POLD2: variants seen among roughly 807,000 people sequenced by gnomAD.
POLD2 encodes the protein DNA polymerase delta 2, accessory subunit, also known as DNA polymerase delta subunit 2.
Under a neutral mutation model 48.8 loss-of-function variants are expected in POLD2, and 31 were observed. The observed-to-expected ratio is 0.64, with a 90% confidence interval of 0.48 to 0.86. POLD2 has a LOEUF of 0.86. Ranked by LOEUF, POLD2 falls within the 40% of genes least tolerant of loss-of-function variation. The pLI is 0.00. For missense variants in POLD2, 455 were observed against 610.1 expected, an observed-to-expected ratio of 0.75 and a Z score of 2.68; for synonymous variants, 233 against 256.3, an observed-to-expected ratio of 0.91 and a Z score of 0.87.
chr7:44,117,388 TTCC>T, intron 4 of POLD2, 141 bp from the exon 5 acceptor site: 1 of 722,386 alleles, frequency 1.4e-6, no homozygotes, highest in Non-Finnish European at 2.4e-6. Context: ...GCATGCCTGC[TTCC>T]TGGAGTCACT....
chr7:44,115,201 G>T (rs2096236602), intron 10 of POLD2, 94 bp downstream of exon 10: 3 of 904,182 alleles, frequency 3.3e-6, no homozygotes, highest in Non-Finnish European at 5.6e-6. Flanking sequence ...GGGCCAGGGG[G>T]ACTCCACAAT....
chr7:44,119,586 G>T (rs892019971), intron 2 of POLD2, among the ~76,000 whole-genome samples: 2 of 152,230 alleles, frequency 1.3e-5, no homozygotes, highest in Non-Finnish European at 2.9e-5. Flanking sequence ...GCCAGGAGTA[G>T]ATATTATCAC....
rs1363035466 is a variant in POLD2 at position 44,116,970 on chromosome 7, G to C, written c.627C>G (p.Gly209=). 5.0e-6 allele frequency: 8 copies of C among 1,613,230 alleles called. No homozygotes were observed. The highest frequency in any genetic ancestry group is 1.6e-4 in the Middle Eastern group (1 of 6,076). Reference sequence around the variant, plus strand: ...GCAGCTGGGTGCCCAGCAGGCTCTCGCCTCCACCGCCACCCAGGCCCAGGC... The same window carrying C: ...GCAGCTGGGTGCCCAGCAGGCTCTCCCCTCCACCGCCACCCAGGCCCAGGC... The part of the protein sequence containing the change: ...VSGLGLGGGG[G]ESLLGTQLLV... Residue 209 remains glycine (G), a synonymous_variant, in exon 6 of 11, where the codon GGC becomes GGG. Transcript: ENST00000610533. This position sits in a 1 kb window ranked among gnomAD's most constrained non-coding sequence, Gnocchi z 6.1.
chr7:44,116,928 C>T lies in POLD2; in HGVS notation c.669G>A (p.Thr223=), dbSNP rs201815146. 18 of 1,613,910 alleles carry T rather than the reference C, an allele frequency of 1.1e-5. No individual in the cohort carries two copies. The highest frequency in any genetic ancestry group is 5.3e-5 in the African/African-American group (4 of 75,048). The change falls in exon 6 of 11, where the codon ACG becomes ACA. Residue 223 remains threonine (T), a synonymous_variant. Coordinates refer to ENST00000610533, the MANE Select transcript of POLD2 (RefSeq NM_006230.4). This position sits in a 1 kb window ranked among gnomAD's most constrained non-coding sequence, Gnocchi z 6.1. ...LGTQLLVDVV[T]GQLGDEGEQC... is the part of the protein sequence containing the mutation. Reference sequence around the variant, plus strand: ...GCTCCCCTTCGTCCCCAAGCTGCCCCGTCACCACATCCACCAGCAGCTGGG... The same window carrying T: ...GCTCCCCTTCGTCCCCAAGCTGCCCTGTCACCACATCCACCAGCAGCTGGG...
At position 44,116,106 on chromosome 7, in the gene POLD2, G is replaced by A. The variant is rs759311952; in HGVS notation, c.1019+9C>T. On this transcript the variant is annotated intron_variant, in intron 8 of 10. Transcript: ENST00000610533. This position sits in a 1 kb window ranked among gnomAD's most constrained non-coding sequence, Gnocchi z 6.1. ...CTGGGTCAGACTGAAGTGTGGCTGTGCCAGCTACCTGACTCCATCAATGGT... is the reference window on the plus strand; with the variant it reads ...CTGGGTCAGACTGAAGTGTGGCTGTACCAGCTACCTGACTCCATCAATGGT... 6.8e-6 allele frequency: 11 copies of A among 1,613,238 alleles called. No homozygotes were observed. The African/African-American group carries it at 9.3e-5, about 14-fold the overall frequency.
intron 1 of POLD2, chr7:44,122,472 C>T (rs2096249583): frequency 2.9e-6 from 3 of 1,029,836 alleles, no homozygotes; most frequent in Non-Finnish European, 3.5e-6. Flanking sequence ...GTCTCATTTC[C>T]AGACAAGAGG....
rs1258176104 is a variant in POLD2 at position 44,116,764 on chromosome 7, C to T, written c.780+53G>A. 1.3e-6 allele frequency: 2 copies of T among 1,587,850 alleles called. No homozygotes were observed. The highest frequency in any genetic ancestry group is 4.5e-5 in the East Asian group (2 of 44,712). On this transcript the variant is annotated intron_variant, in intron 6 of 10. Transcript: ENST00000610533. The surrounding 1 kb of genome is among the most constrained non-coding windows in gnomAD (Gnocchi z 6.1). The stretch of plus-strand genomic sequence containing the variant: ...CTCGCCCTGGGGAAGGAGGGTCTTA[C>T]AGGCTTGCAGGCTCCTGGGCTGGGG...
At chr7:44,117,561 C>T in intron 4 of POLD2, 58 bp downstream of exon 4, 17 of 1,555,582 alleles carry the variant, frequency 1.1e-5, no homozygotes, top group Non-Finnish European at 1.4e-5. Context: ...CCATCCCTAA[C>T]ACACCACCGC....
At chr7:44,123,850 C>G (rs1414384417), upstream of POLD2, among the ~76,000 whole-genome samples, 1 of 152,234 alleles carries the variant, frequency 6.6e-6, no homozygotes, top group African/African-American at 2.4e-5. Flanking sequence ...CCGTCAGGCC[C>G]TGCCCAAACC....
At position 44,117,959 on chromosome 7, in the gene POLD2, C is replaced by T. The variant is rs149066641; in HGVS notation, c.326G>A (p.Arg109Gln). 2.6e-4 allele frequency: 418 copies of T among 1,614,162 alleles called. No homozygotes were observed. Among genetic ancestry groups the T allele is most frequent in the Non-Finnish European group, 2.8e-4 (330 of 1,180,024 alleles). ...KAMPLQPSIL[R>Q]EVSEEHNLLP... ...CTGCCTCACCTCCTCGCTGACCTCCCGCAGGATGGAGGGCTGCAGCGGCAT... is the reference window on the plus strand; with the variant it reads ...CTGCCTCACCTCCTCGCTGACCTCCTGCAGGATGGAGGGCTGCAGCGGCAT... The change falls in exon 3 of 11, where the codon CGG (arginine) becomes CAG (glutamine). Residue 109 changes from arginine to glutamine, a missense_variant. Coordinates refer to ENST00000610533, the MANE Select transcript of POLD2 (RefSeq NM_006230.4).
At chr7:44,120,915 G>T (rs1184923328) in intron 2 of POLD2, among the ~76,000 whole-genome samples, 2 of 152,080 alleles carry the variant, frequency 1.3e-5, no homozygotes, top group African/African-American at 2.4e-5. Flanking sequence ...TGAATTTGAG[G>T]TTCTAGCTAG....
chr7:44,117,911 T>G (rs1323860337), intron 3 of POLD2, 32 bp downstream of exon 3: 1 of 1,609,624 alleles, frequency 6.2e-7, no homozygotes, highest in East Asian at 2.2e-5. Flanking sequence ...CAGGTCTGCC[T>G]GGCGGCCCCA....
chr7:44,115,305 T>C lies in POLD2; in HGVS notation c.1239A>G (p.Lys413=). ...GAAGACAAAAATTACCTCGGATGAT[T>C]TTGGAGCCAAAGCTGGGGGTGTTGC... ...FCGNTPSFGS[K]IIRGPEDQTV... Residue 413 remains lysine, a synonymous_variant, in exon 10 of 11, where the codon AAA becomes AAG. Transcript: ENST00000610533. The C allele has an allele frequency of 6.2e-7, 1 of 1,611,804 alleles. No homozygotes were observed. The highest frequency in any genetic ancestry group is 8.5e-7 in the Non-Finnish European group (1 of 1,177,844).
rs1459039306 is a variant in POLD2 at position 44,121,475 on chromosome 7, T to C, written c.220+359A>G. On this transcript the variant is annotated intron_variant, in intron 2 of 10. Coordinates refer to ENST00000610533, the MANE Select transcript of POLD2 (RefSeq NM_006230.4). The surrounding 1 kb of genome is among the most constrained non-coding windows in gnomAD (Gnocchi z 4.5). ...CATCCTCACCAGTCTTGGCTCCTGGTGCCTGGCGCCAGGCTTGCCACACTG... is the reference window on the plus strand; with the variant it reads ...CATCCTCACCAGTCTTGGCTCCTGGCGCCTGGCGCCAGGCTTGCCACACTG... 6.6e-6 allele frequency among the ~76,000 whole-genome samples: 1 copy of C among 152,162 alleles called. No individual in the cohort carries two copies. Among genetic ancestry groups the C allele is most frequent in the Non-Finnish European group, 1.5e-5 (1 of 68,036 alleles).
Position 44,116,696 on chromosome 7 carries a change from A to T in POLD2, c.780+121T>A. 2 of 1,128,080 alleles carry T rather than the reference A, an allele frequency of 1.8e-6. No homozygotes were observed. Among genetic ancestry groups the T allele is most frequent in the Non-Finnish European group, 2.6e-6 (2 of 778,554 alleles). 69.9% of individuals were successfully genotyped at this position (1,128,080 alleles called of 1,614,324 possible). A position where few individuals can be genotyped will look rare whatever the true frequency, so the allele number is the denominator to read the frequency against. On this transcript the variant is annotated intron_variant, in intron 6 of 10. Transcript: ENST00000610533. This position sits in a 1 kb window ranked among gnomAD's most constrained non-coding sequence, Gnocchi z 6.1. ...TTGCAGGAGGCCCCAGAGTCACTGC[A>T]GGGCGCTTCCCACCGACCTGCGAGA...
intron 2 of POLD2, among the ~76,000 whole-genome samples, chr7:44,120,589 C>T (rs961193780): frequency 5.3e-5 from 8 of 152,300 alleles, no homozygotes; most frequent in East Asian, 1.9e-4. Context: ...ACGGTGTTGA[C>T]GGAGGGACCT....
intron 2 of POLD2, among the ~76,000 whole-genome samples, chr7:44,120,019 G>C (rs1028497645): frequency 6.6e-6 from 1 of 151,800 alleles, no homozygotes; most frequent in African/African-American, 2.4e-5. Flanking sequence ...CAGCAGGAAG[G>C]TCTGGGCAGG....
rs949326573 is a variant in POLD2, at chr7:44,121,626, G to A, written c.220+208C>T. Among the ~76,000 whole-genome samples the A allele has an allele frequency of 2.0e-5, 3 of 152,184 alleles. No homozygotes were observed. The highest frequency in any genetic ancestry group is 2.4e-5 in the African/African-American group (1 of 41,430). On this transcript the variant is annotated intron_variant, in intron 2 of 10. Coordinates refer to ENST00000610533, the MANE Select transcript of POLD2 (RefSeq NM_006230.4). The surrounding 1 kb of genome is among the most constrained non-coding windows in gnomAD (Gnocchi z 4.5). ...AGAACTAAGTCCTCATCTCCAACCA[G>A]CCTCTGAACTAAAACTAACTCCAAA...
At chr7:44,120,097 G>T (rs3217953) in intron 2 of POLD2, among the ~76,000 whole-genome samples, 1 of 152,168 alleles carries the variant, frequency 6.6e-6, no homozygotes, top group Admixed American at 6.5e-5. Context: ...GGATGCACAG[G>T]CCACATGGAG....
Sources: allele counts gnomAD v4.1 joint callset (sites outside exome capture counted in the v4.1 genomes callset), GRCh38; gene constraint gnomAD v4.1.1; non-coding constraint Gnocchi (gnomAD v3.1); transcripts MANE v1.5; gene names NCBI Gene and HGNC (gene_info 2026-07-23, HGNC 2026-07-21).